Variants in DNAJC13 observed in about 807,000 individuals in gnomAD.
DNAJC13 encodes the protein dnaJ homolog subfamily C member 13.
Under a neutral mutation model 290.5 loss-of-function variants are expected in DNAJC13, and 75 were observed. The ratio of observed to expected loss-of-function variants is 0.26; its 90% CI spans 0.21 to 0.31. The LOEUF is 0.31. DNAJC13 is among the 10% of genes least tolerant of loss of function. The probability of loss-of-function intolerance (pLI) is 1.00; values close to 1 mark genes in which losing one functional copy is unlikely to be tolerated. For missense variants in DNAJC13, 2,260 were observed against 2,674.5 expected (o/e 0.85, Z 3.42); for synonymous variants, 862 against 892.0 (o/e 0.97, Z 0.60).
rs1048431547 is a variant in DNAJC13, at chr3:132,516,753, G to A, written c.5610G>A (p.Gln1870=). ...TGTTCTGCAATTCAACACATCCACA[G>A]GTTCGAGCCCAAACAGCAGAACTTT... The part of the protein sequence containing the change: ...LDMFCNSTHP[Q]VRAQTAELFA... The change falls in exon 48 of 56, where the codon CAG becomes CAA. Residue 1870 remains glutamine (Q), a synonymous_variant. Transcript: ENST00000260818. 1 of 1,613,458 alleles carries A rather than the reference G, an allele frequency of 6.2e-7. No homozygotes were observed. Among genetic ancestry groups the A allele is most frequent in the African/African-American group, 1.3e-5 (1 of 74,880 alleles).
At chr3:132,536,126 T>C (rs999583991) in intron 55 of DNAJC13, among the ~76,000 whole-genome samples, 3 of 152,220 alleles carry the variant, frequency 2.0e-5, no homozygotes, top group African/African-American at 7.2e-5. Context: ...AAATACCTAA[T>C]AATTTAGTTT....
intron 55 of DNAJC13, among the ~76,000 whole-genome samples, chr3:132,532,508 T>C (rs1290502042): frequency 6.6e-6 from 1 of 152,180 alleles, no homozygotes; most frequent in Non-Finnish European, 1.5e-5. Context: ...CTGTCCCTCA[T>C]ATCTATGGAG....
chr3:132,505,255 A>G (rs565163879), intron 41 of DNAJC13, 47 bp from the exon 42 acceptor site: 16 of 1,224,938 alleles, frequency 1.3e-5, no homozygotes, highest in Middle Eastern at 2.1e-4. Flanking sequence ...GATAATGTCA[A>G]TAAGTTTTTT....
intron 27 of DNAJC13, 51 bp downstream of exon 27, chr3:132,482,381 C>T: frequency 7.0e-7 from 1 of 1,436,330 alleles, no homozygotes; most frequent in Non-Finnish European, 9.7e-7. Flanking sequence ...TTCTTATGCC[C>T]TCCTGCTTAG....
intron 36 of DNAJC13, 112 bp from the exon 37 acceptor site, chr3:132,499,014 C>G: frequency 6.1e-6 from 6 of 984,730 alleles, no homozygotes; most frequent in Non-Finnish European, 7.3e-6. Context: ...CCATGCCTGG[C>G]CCCATTTTTA....
intron 2 of DNAJC13, among the ~76,000 whole-genome samples, chr3:132,436,087 T>C (rs1471836440): frequency 2.0e-5 from 3 of 152,320 alleles, no homozygotes; most frequent in East Asian, 3.9e-4. Context: ...TTCTAAAGTA[T>C]ACAATTCAGC....
At chr3:132,483,869 C>G (rs765317495) in intron 28 of DNAJC13, among the ~76,000 whole-genome samples, 4 of 152,164 alleles carry the variant, frequency 2.6e-5, no homozygotes, top group Non-Finnish European at 4.4e-5. Context: ...GAATTACATA[C>G]TGCAGTCCAT....
chr3:132,464,379 T>C (rs900453345), intron 17 of DNAJC13, among the ~76,000 whole-genome samples: 3 of 152,222 alleles, frequency 2.0e-5, no homozygotes, highest in African/African-American at 7.2e-5. Flanking sequence ...CAGCCCTTTT[T>C]AACCCTCTTT....
At chr3:132,470,883 G>T (rs1433684282) in intron 20 of DNAJC13, among the ~76,000 whole-genome samples, 12 of 134,574 alleles carry the variant, frequency 8.9e-5, no homozygotes, top group African/African-American at 3.4e-4. Flanking sequence ...GGCCGGCCGG[G>T]CGGGGGGCTG....
chr3:132,442,108 A>G (rs2107656449), intron 2 of DNAJC13, among the ~76,000 whole-genome samples: 1 of 150,904 alleles, frequency 6.6e-6, no homozygotes, highest in South Asian at 2.1e-4. Flanking sequence ...AAAAAAAATC[A>G]TGCTATAAAA....
intron 22 of DNAJC13, among the ~76,000 whole-genome samples, chr3:132,477,409 G>A (rs1291111121): frequency 6.6e-6 from 1 of 152,178 alleles, no homozygotes; most frequent in Non-Finnish European, 1.5e-5. Flanking sequence ...TTTTAAGTCT[G>A]GCACATCACC....
chr3:132,457,159 A>G lies in DNAJC13; in HGVS notation c.1350-110A>G, dbSNP rs182180723. The G allele has an allele frequency of 3.6e-3, 2,785 of 781,222 alleles. 7 individuals carry two copies. The highest frequency in any genetic ancestry group is 4.6e-3 in the Non-Finnish European group (2,322 of 502,828). 48.4% of individuals were successfully genotyped at this position (781,222 alleles called of 1,614,324 possible). On this transcript the variant is annotated intron_variant, in intron 12 of 55. Coordinates refer to ENST00000260818, the MANE Select transcript of DNAJC13 (RefSeq NM_015268.4). ...AAATTTCAGAGGTGGAATTTAAAAT[A>G]CGTCATTGTTCCAGTAGTGCAATGG...
At chr3:132,536,260 A>G (rs151111903) in intron 55 of DNAJC13, among the ~76,000 whole-genome samples, 50 of 152,340 alleles carry the variant, frequency 3.3e-4, no homozygotes, top group Middle Eastern at 3.4e-3. Flanking sequence ...TGTAGTCCAC[A>G]TGGACAGGCC....
At chr3:132,425,860 A>T (rs1375103936) in intron 1 of DNAJC13, among the ~76,000 whole-genome samples, 1 of 151,736 alleles carries the variant, frequency 6.6e-6, no homozygotes, top group Non-Finnish European at 1.5e-5. Flanking sequence ...GTGTGTGTAA[A>T]TTTTTTTGCT....
Position 132,525,640 on chromosome 3 carries a change from A to G in DNAJC13, c.6091A>G (p.Thr2031Ala), listed in dbSNP as rs769998417. The G allele has an allele frequency of 2.5e-6, 4 of 1,613,886 alleles. No homozygotes were observed. In the African/African-American group the frequency reaches 4.0e-5, roughly 16 times the overall value. Residue 2031 changes from threonine to alanine, a missense_variant, in exon 52 of 56, where the codon ACA becomes GCA. Transcript: ENST00000260818. ...AACTCTGGAAACCTTGACAATGGCAACAGTGTGTCTCTTCAGCGCACAACC... is the reference window on the plus strand; with the variant it reads ...AACTCTGGAAACCTTGACAATGGCAGCAGTGTGTCTCTTCAGCGCACAACC... Reference protein sequence around the residue: ...GETLETLTMATVCLFSAQPQL... With the variant: ...GETLETLTMAAVCLFSAQPQL...
intron 54 of DNAJC13, among the ~76,000 whole-genome samples, chr3:132,529,987 C>G (rs914614497): frequency 6.6e-6 from 1 of 152,084 alleles, no homozygotes; most frequent in Non-Finnish European, 1.5e-5. Context: ...TTTGACTTGC[C>G]TCAGGATTCC....
chr3:132,526,406 G>A lies in DNAJC13; in HGVS notation c.6381+125G>A, dbSNP rs1414782339. 5.4e-6 allele frequency: 6 copies of A among 1,118,646 alleles called. No homozygotes were observed. The East Asian group carries it at 7.7e-5, about 14-fold the overall frequency. The allele number at this position is 1,118,646 out of a possible 1,614,324, so 69.3% of individuals were successfully genotyped here. Reference sequence around the variant, plus strand: ...GGTGAGAGTTAACTTGTGAGTTTGTGTATAAACAATTTTATATTTTATATA... The same window carrying A: ...GGTGAGAGTTAACTTGTGAGTTTGTATATAAACAATTTTATATTTTATATA... On this transcript the variant is annotated intron_variant, in intron 53 of 55. Transcript: ENST00000260818.
intron 26 of DNAJC13, among the ~76,000 whole-genome samples, chr3:132,480,756 A>G (rs890645488): frequency 6.6e-6 from 1 of 152,228 alleles, no homozygotes; most frequent in Non-Finnish European, 1.5e-5. Flanking sequence ...AATTCATTAG[A>G]TATGTAAATA....
Position 132,502,418 on chromosome 3 carries a change from T to C in DNAJC13, c.4666T>C (p.Tyr1556His). The C allele has an allele frequency of 6.2e-7, 1 of 1,614,016 alleles. No homozygotes were observed. The change falls in exon 40 of 56, where the codon TAC becomes CAC. Residue 1556 changes from tyrosine to histidine, a missense_variant. Transcript: ENST00000260818. ...YLLGFLFNYD[Y>H]TLEESGIQKS... The stretch of plus-strand genomic sequence containing the variant: ...CCTTGGTTTTCTGTTTAATTATGAC[T>C]ACACACTAGAAGAGAGTGGCATTCA...
Sources: gnomAD v4.1 joint callset for allele counts (sites outside exome capture counted in the v4.1 genomes callset) on GRCh38, gnomAD v4.1.1 for gene constraint, MANE v1.5 for transcripts, NCBI Gene and HGNC (gene_info 2026-07-23, HGNC 2026-07-21) for gene names.